PRKD1: variants seen among roughly 807,000 people sequenced by gnomAD.
PRKD1 encodes the protein protein kinase D1.
PRKD1 carries 63 observed loss-of-function variants against 95.9 expected under a neutral mutation model. The ratio of observed to expected loss-of-function variants is 0.66; its 90% CI spans 0.54 to 0.81. The LOEUF (loss-of-function observed/expected upper bound fraction) is 0.81. Among genes scored for constraint, PRKD1 ranks in the 30% least tolerant of loss-of-function variants. The pLI is 0.00. For missense variants in PRKD1, 1,048 were observed against 1,165.3 expected, an observed-to-expected ratio of 0.90 and a Z score of 1.47; for synonymous variants, 425 against 423.1, an observed-to-expected ratio of 1.00 and a Z score of -0.05.
At chr14:29,588,790 T>TTGTG (rs34773417) in intron 16 of PRKD1, among the ~76,000 whole-genome samples, 2,167 of 145,360 alleles carry the variant, frequency 0.015, 30 homozygotes, top group African/African-American at 0.028. Flanking sequence ...ATTCCTAAAG[T>TTGTG]TGTGTGTGTG....
At chr14:29,847,179 C>T (rs865991593) in intron 1 of PRKD1, among the ~76,000 whole-genome samples, 1 of 152,136 alleles carries the variant, frequency 6.6e-6, no homozygotes, top group African/African-American at 2.4e-5. Context: ...ACCCACCCTC[C>T]TTCATTCTAA....
intron 2 of PRKD1, among the ~76,000 whole-genome samples, chr14:29,694,964 G>T (rs1298524128): frequency 6.6e-6 from 1 of 152,158 alleles, no homozygotes; most frequent in East Asian, 1.9e-4. Flanking sequence ...CAGGCACGGT[G>T]GCTCACACCT....
At chr14:29,642,405 C>T (rs368329547) in intron 4 of PRKD1, among the ~76,000 whole-genome samples, 3 of 152,010 alleles carry the variant, frequency 2.0e-5, no homozygotes, top group East Asian at 1.9e-4. Flanking sequence ...ATATATCAAG[C>T]TACAGAGCAG....
chr14:29,660,815 AAT>A (rs1882147452), intron 4 of PRKD1, among the ~76,000 whole-genome samples: 1 of 152,196 alleles, frequency 6.6e-6, no homozygotes, highest in Non-Finnish European at 1.5e-5. Context: ...AAACTGATAT[AAT>A]TTGATAAATA....
intron 13 of PRKD1, among the ~76,000 whole-genome samples, chr14:29,622,299 T>C (rs564394961): frequency 1.3e-5 from 2 of 152,250 alleles, no homozygotes; most frequent in South Asian, 4.1e-4. Flanking sequence ...GTCCACGGCC[T>C]GGGGACTGAG....
intron 2 of PRKD1, among the ~76,000 whole-genome samples, chr14:29,669,923 C>A (rs941129435): frequency 4.6e-5 from 7 of 152,100 alleles, no homozygotes; most frequent in Non-Finnish European, 2.9e-5. Context: ...CTTTAAACTT[C>A]CTTTCATTCA....
intron 2 of PRKD1, among the ~76,000 whole-genome samples, chr14:29,705,824 T>C (rs1039928814): frequency 2.6e-5 from 4 of 152,194 alleles, no homozygotes; most frequent in African/African-American, 9.6e-5. Flanking sequence ...AGCTAAATAA[T>C]ATTCTACTGA....
chr14:29,676,746 A>C (rs1387852596), intron 2 of PRKD1, among the ~76,000 whole-genome samples: 1 of 152,184 alleles, frequency 6.6e-6, no homozygotes, highest in African/African-American at 2.4e-5. Flanking sequence ...ATAAATACAT[A>C]GGATACACAG....
chr14:29,787,875 A>G (rs1889346844), intron 1 of PRKD1, among the ~76,000 whole-genome samples: 1 of 152,040 alleles, frequency 6.6e-6, no homozygotes, highest in Non-Finnish European at 1.5e-5. Flanking sequence ...TCATTTTGTT[A>G]ACTGTTTTCT....
chr14:29,905,280 G>C (rs1894457130), intron 1 of PRKD1, among the ~76,000 whole-genome samples: 1 of 152,130 alleles, frequency 6.6e-6, no homozygotes, highest in Non-Finnish European at 1.5e-5. Flanking sequence ...GCCGGAACCT[G>C]GACCAATTCC....
chr14:29,826,784 TATATACACATATATATACAC>T (rs1891180998), intron 1 of PRKD1, among the ~76,000 whole-genome samples: 1 of 51,604 alleles, frequency 1.9e-5, no homozygotes, highest in African/African-American at 7.3e-5. Flanking sequence ...TATATATACA[TATATACACATATATATACAC>T]ATATATATAC....
intron 1 of PRKD1, among the ~76,000 whole-genome samples, chr14:29,772,692 C>A (rs1373599465): frequency 6.6e-6 from 1 of 152,154 alleles, no homozygotes; most frequent in Non-Finnish European, 1.5e-5. Context: ...TGACTGTACA[C>A]ATTAGATCAG....
intron 13 of PRKD1, among the ~76,000 whole-genome samples, chr14:29,614,754 A>G (rs2139059179): frequency 6.6e-6 from 1 of 152,080 alleles, no homozygotes; most frequent in South Asian, 2.1e-4. Context: ...GCTGGAGTCA[A>G]CTGGCACGAT....
intron 1 of PRKD1, among the ~76,000 whole-genome samples, chr14:29,876,900 C>T (rs1002075486): frequency 9.2e-5 from 14 of 152,112 alleles, no homozygotes; most frequent in Admixed American, 2.0e-4. Flanking sequence ...GCCTGTAATC[C>T]TAGCACGTTG....
chr14:29,869,337 A>G (rs534791872), intron 1 of PRKD1, among the ~76,000 whole-genome samples: 1 of 152,040 alleles, frequency 6.6e-6, no homozygotes, highest in East Asian at 1.9e-4. Context: ...CAACTACTCA[A>G]GAGGAGGCAG....
At chr14:29,634,939 G>C (rs1880271111) in intron 7 of PRKD1, among the ~76,000 whole-genome samples, 1 of 152,054 alleles carries the variant, frequency 6.6e-6, no homozygotes, top group African/African-American at 2.4e-5. Context: ...GGAAGCTGAG[G>C]CAGAGAATTG....
At chr14:29,596,878 T>C (rs1219031137) in intron 16 of PRKD1, among the ~76,000 whole-genome samples, 1 of 152,180 alleles carries the variant, frequency 6.6e-6, no homozygotes, top group Non-Finnish European at 1.5e-5. Context: ...AGGAAGGAAA[T>C]ATTTATTAAG....
rs1594524750 is a variant in PRKD1, at chr14:29,793,954, T to A, written c.265-68280A>T. Reference sequence around the variant, plus strand: ...GTTCTGAATTTACTAAGATCCAATGTTTCCTCTAACACAAGCAGATCTTTA... The same window carrying A: ...GTTCTGAATTTACTAAGATCCAATGATTCCTCTAACACAAGCAGATCTTTA... On this transcript the variant is annotated intron_variant, in intron 1 of 17. Transcript: ENST00000331968. 3.9e-5 allele frequency among the ~76,000 whole-genome samples: 6 copies of A among 152,104 alleles called. No individual in the cohort carries two copies. The South Asian group carries it at 1.2e-3, about 31-fold the overall frequency.
chr14:29,678,201 T>C (rs1160409734), intron 2 of PRKD1, among the ~76,000 whole-genome samples: 2 of 152,136 alleles, frequency 1.3e-5, no homozygotes, highest in African/African-American at 2.4e-5. Flanking sequence ...TAAAACATCA[T>C]TAATTGCATG....
Sources: gnomAD v4.1 joint callset for allele counts (sites outside exome capture counted in the v4.1 genomes callset) on GRCh38, gnomAD v4.1.1 for gene constraint, MANE v1.5 for transcripts, NCBI Gene and HGNC (gene_info 2026-07-23, HGNC 2026-07-21) for gene names.